Variants in BIRC6 observed in about 807,000 individuals in gnomAD.
BIRC6 encodes dual E2 ubiquitin-conjugating enzyme/E3 ubiquitin-protein ligase BIRC6.
In BIRC6, 98 loss-of-function variants were observed where a neutral mutation model predicts 503.3. That is an observed-to-expected ratio of 0.19 (90% confidence interval 0.17 to 0.23). The LOEUF (loss-of-function observed/expected upper bound fraction) is 0.23, where lower values mean the gene tolerates loss of function less well. Ranked by LOEUF, BIRC6 falls within the 10% of genes least tolerant of loss-of-function variation. The pLI, the probability that BIRC6 is intolerant of heterozygous loss-of-function variation, is 1.00. For synonymous variants in BIRC6, 2,240 were observed against 2,078.7 expected, an observed-to-expected ratio of 1.08 and a Z score of -2.11; for missense variants, 5,360 against 5,806.0, an observed-to-expected ratio of 0.92 and a Z score of 2.50.
In BIRC6 at chr2:32,547,885, A is replaced by T; in HGVS notation, c.12846A>T (p.Thr4282=). The T allele has an allele frequency of 6.2e-7, 1 of 1,609,272 alleles. No homozygotes were observed. Among genetic ancestry groups the T allele is most frequent in the South Asian group, 1.1e-5 (1 of 89,822 alleles). Residue 4282 remains threonine (T), a synonymous_variant, in exon 64 of 74, where the codon ACA becomes ACT. Transcript: ENST00000421745. ...QVSSSHNPTS[T]EEQQLYWAKG... ...CAAGCTCTCATAACCCTACATCAAC[A>T]GAAGAACAACAGTTATATTGGGCCA... is the stretch of plus-strand genomic sequence containing the variant.
At chr2:32,537,982 C>CA (rs1007395887) in intron 61 of BIRC6, among the ~76,000 whole-genome samples, 23 of 149,132 alleles carry the variant, frequency 1.5e-4, no homozygotes, top group South Asian at 4.3e-4. Flanking sequence ...AAAAAGCAAA[C>CA]AAAAAAAACA....
chr2:32,391,984 G>A (rs62136276), intron 4 of BIRC6, 55 bp from the exon 5 acceptor site: 82,506 of 1,194,704 alleles, frequency 0.069, 3,440 homozygotes, highest in Admixed American at 0.16. Flanking sequence ...TTAAATAGAA[G>A]TTTCACTGTG....
At chr2:32,468,190 A>T (rs2048757364) in intron 28 of BIRC6, 79 bp downstream of exon 28, 2 of 1,415,636 alleles carry the variant, frequency 1.4e-6, no homozygotes, top group Non-Finnish European at 1.9e-6. Context: ...CTGTCAAGAA[A>T]TGTCTTTTCA....
rs28512402 is a variant in BIRC6, at chr2:32,448,228, C to T, written c.4485-567C>T. 3.8e-3 allele frequency among the ~76,000 whole-genome samples: 291 copies of T among 77,466 alleles called. 1 individual carries two copies. The highest frequency in any genetic ancestry group is 0.013 in the African/African-American group (254 of 18,826). The allele number at this position is 77,466 out of a possible 152,430, so 50.8% of individuals were successfully genotyped here. A position where few individuals can be genotyped will look rare whatever the true frequency, so the allele number is the denominator to read the frequency against. ...CAGACGATGGGCGGCCAGGCAGAGA[C>T]GCTCCTCACTTCCCAGACGGGGTGG... On this transcript the variant is annotated intron_variant, in intron 21 of 73. Transcript: ENST00000421745.
intron 61 of BIRC6, among the ~76,000 whole-genome samples, chr2:32,535,351 G>T (rs1007901795): frequency 6.6e-6 from 1 of 151,820 alleles, no homozygotes; most frequent in Non-Finnish European, 1.5e-5. Context: ...TGTGCACAAC[G>T]TGCAGGTTTG....
intron 22 of BIRC6, 89 bp from the exon 23 acceptor site, chr2:32,453,719 A>C (rs1014078462): frequency 8.1e-7 from 1 of 1,240,478 alleles, no homozygotes; most frequent in African/African-American, 1.5e-5. Flanking sequence ...GTTCTAATTA[A>C]AATTGAAGTT....
At chr2:32,406,579 A>C (rs1236262582) in intron 9 of BIRC6, 22 bp downstream of exon 9, 1 of 1,555,896 alleles carries the variant, frequency 6.4e-7, no homozygotes, top group Non-Finnish European at 8.8e-7. Context: ...GTATTAGATA[A>C]TGTATTTAAA....
At chr2:32,578,445 C>G (rs2060411502) in intron 66 of BIRC6, among the ~76,000 whole-genome samples, 1 of 152,086 alleles carries the variant, frequency 6.6e-6, no homozygotes, top group Non-Finnish European at 1.5e-5. Flanking sequence ...GTTAATGTAT[C>G]ACTTTCAGGG....
At chr2:32,419,825 G>A (rs2042752560) in intron 10 of BIRC6, among the ~76,000 whole-genome samples, 2 of 152,132 alleles carry the variant, frequency 1.3e-5, no homozygotes, top group African/African-American at 2.4e-5. Flanking sequence ...TTATTGGACT[G>A]TATGGTCACA....
At position 32,501,718 on chromosome 2, in the gene BIRC6, A is replaced by G; in HGVS notation, c.9037A>G (p.Ser3013Gly). Reference sequence around the variant, plus strand: ...GTATCTTTTATTTTTCTTAGGAGCAAGTGGATTACATCTCACTAAACATGA... The same window carrying G: ...GTATCTTTTATTTTTCTTAGGAGCAGGTGGATTACATCTCACTAAACATGA... ...SSAMAMIIGA[S>G]GLHLTKHENF... Residue 3013 changes from serine to glycine, a missense_variant, in exon 47 of 74, where the codon AGT (serine) becomes GGT (glycine). Transcript: ENST00000421745. 6.2e-7 allele frequency: 1 copy of G among 1,606,720 alleles called. No homozygotes were observed.
At chr2:32,506,380 T>G (rs2053794499) in intron 50 of BIRC6, among the ~76,000 whole-genome samples, 1 of 152,208 alleles carries the variant, frequency 6.6e-6, no homozygotes, top group South Asian at 2.1e-4. Context: ...TAATTACTTG[T>G]GGCATCCACA....
intron 3 of BIRC6, among the ~76,000 whole-genome samples, chr2:32,380,770 C>G (rs982169710): frequency 6.6e-6 from 1 of 152,086 alleles, no homozygotes; most frequent in African/African-American, 2.4e-5. Context: ...ACTTCTTAAT[C>G]GAAGCTTAAC....
Position 32,505,079 on chromosome 2 carries a change from G to T in BIRC6, c.9574G>T (p.Ala3192Ser). ...LLQATPPHRR[A>S]RSAAWSYIFL... ...GCAGGCCACACCTCCTCACAGAAGA[G>T]CTCGCTCTGCTGCTTGGTCCTACAT... Residue 3192 changes from alanine (A) to serine (S), a missense_variant, in exon 50 of 74, where the codon GCT (alanine) becomes TCT (serine). Physicochemically the swap from Ala to Ser is moderately conservative, Grantham distance 99. Coordinates refer to ENST00000421745, the MANE Select transcript of BIRC6 (RefSeq NM_016252.4). 6.2e-7 allele frequency: 1 copy of T among 1,613,204 alleles called. No homozygotes were observed. The highest frequency in any genetic ancestry group is 1.6e-4 in the Middle Eastern group (1 of 6,062).
rs530044051 is a variant in BIRC6, at chr2:32,512,885, C to G, written c.10347-48C>G. The G allele has an allele frequency of 8.9e-6, 13 of 1,460,698 alleles. No individual in the cohort carries two copies. In the South Asian group the frequency reaches 1.5e-4, roughly 17 times the overall value. 90.5% of individuals were successfully genotyped at this position (1,460,698 alleles called of 1,614,324 possible). ...GATGGTATTTATCTATATGAAATGCCAATTGCACTATATAGTTGGTTATAT... is the reference window on the plus strand; with the variant it reads ...GATGGTATTTATCTATATGAAATGCGAATTGCACTATATAGTTGGTTATAT... On this transcript the variant is annotated intron_variant, in intron 53 of 73. Coordinates refer to ENST00000421745, the MANE Select transcript of BIRC6 (RefSeq NM_016252.4).
At chr2:32,492,140 G>T (rs11694289) in intron 44 of BIRC6, among the ~76,000 whole-genome samples, 35,419 of 151,730 alleles carry the variant, frequency 0.23, 5,072 homozygotes, top group Non-Finnish European at 0.31. Flanking sequence ...TTAAAATCAA[G>T]ATTATTCAAG....
At chr2:32,550,643 A>G (rs367660660) in intron 65 of BIRC6, among the ~76,000 whole-genome samples, 1 of 152,066 alleles carries the variant, frequency 6.6e-6, no homozygotes, top group East Asian at 1.9e-4. Flanking sequence ...TATTTTCTTA[A>G]TCCTTATACT....
intron 61 of BIRC6, among the ~76,000 whole-genome samples, chr2:32,536,888 C>A (rs1381775825): frequency 2.0e-5 from 3 of 152,110 alleles, no homozygotes; most frequent in Non-Finnish European, 2.9e-5. Context: ...TCTTCCTACC[C>A]ATGAGCATGG....
rs1009954608 is a variant in BIRC6 at position 32,617,903 on chromosome 2, G to A, written c.14573G>A (p.Ter4858=). The change falls in exon 74 of 74, where the codon TGA becomes TAA. Residue 4858 remains the stop codon, a stop_retained_variant. Coordinates refer to ENST00000421745, the MANE Select transcript of BIRC6 (RefSeq NM_016252.4). ...GAACTCCCCAGTGACTTCCAGTTAT[G>A]AGCTGCATTGATGTGGACTTCATAG... ...SKELPSDFQL[*] The A allele has an allele frequency of 4.3e-6, 7 of 1,611,272 alleles. No homozygotes were observed. Among genetic ancestry groups the A allele is most frequent in the Non-Finnish European group, 5.9e-6 (7 of 1,177,992 alleles).
rs116219703 is a variant in BIRC6 at position 32,425,341 on chromosome 2, T to A, written c.2873-3805T>A. Among the ~76,000 whole-genome samples the A allele has an allele frequency of 8.1e-3, 1,226 of 152,276 alleles. 9 individuals carry two copies. The highest frequency in any genetic ancestry group is 0.02 in the Middle Eastern group (6 of 294). The stretch of plus-strand genomic sequence containing the variant: ...TCTTTAGTTTTTGTCCATTGTTCCC[T>A]TTAGCTAATTGGCTATATAAAGAGA... On this transcript the variant is annotated intron_variant, in intron 10 of 73. Coordinates refer to ENST00000421745, the MANE Select transcript of BIRC6 (RefSeq NM_016252.4).
Sources: gnomAD v4.1 joint callset for allele counts (sites outside exome capture counted in the v4.1 genomes callset) on GRCh38, gnomAD v4.1.1 for gene constraint, MANE v1.5 for transcripts, NCBI Gene and HGNC (gene_info 2026-07-23, HGNC 2026-07-21) for gene names.